Variants in UBAC1 observed in about 807,000 individuals in gnomAD.
UBAC1 encodes the protein UBA domain containing 1, also known as ubiquitin-associated domain-containing protein 1.
In UBAC1, 27 loss-of-function variants were observed where a neutral mutation model predicts 45.9. The ratio of observed to expected loss-of-function variants is 0.59; its 90% CI spans 0.43 to 0.81. The LOEUF (loss-of-function observed/expected upper bound fraction) is 0.81. Ranked by LOEUF, UBAC1 falls within the 30% of genes least tolerant of loss-of-function variation. UBAC1 has a pLI of 0.00. For missense variants in UBAC1, 529 were observed against 539.2 expected (o/e 0.98, Z 0.19); for synonymous variants, 227 against 215.5 (o/e 1.05, Z -0.47).
At chr9:135,948,495 G>A (rs1363706496) in intron 3 of UBAC1, among the ~76,000 whole-genome samples, 1 of 152,278 alleles carries the variant, frequency 6.6e-6, no homozygotes, top group African/African-American at 2.4e-5. Context: ...CAGGGGACAA[G>A]GAGCGAGCCT....
chr9:135,956,660 C>T (rs1293575860), intron 1 of UBAC1, among the ~76,000 whole-genome samples: 4 of 152,154 alleles, frequency 2.6e-5, no homozygotes, highest in African/African-American at 7.2e-5. Flanking sequence ...CCAAATATGG[C>T]GCCTCCCCAG....
chr9:135,960,552 G>C (rs1196553347), intron 1 of UBAC1, among the ~76,000 whole-genome samples: 2 of 151,816 alleles, frequency 1.3e-5, no homozygotes, highest in Middle Eastern at 6.8e-3. Flanking sequence ...TCTTCATGAA[G>C]GAGCCTACGT....
At chr9:135,936,358 AAAG>A (rs1839202943) in intron 9 of UBAC1, among the ~76,000 whole-genome samples, 1 of 152,230 alleles carries the variant, frequency 6.6e-6, no homozygotes, top group Non-Finnish European at 1.5e-5. Flanking sequence ...ATTTGGGTAC[AAAG>A]AAGATCCCTA....
intron 3 of UBAC1, among the ~76,000 whole-genome samples, chr9:135,950,292 A>G (rs1393692564): frequency 1.3e-5 from 2 of 152,234 alleles, no homozygotes; most frequent in African/African-American, 4.8e-5. Context: ...GAAAACTTGC[A>G]TAGACTTAGC....
chr9:135,950,687 C>T (rs554228848), intron 3 of UBAC1, among the ~76,000 whole-genome samples: 1 of 152,288 alleles, frequency 6.6e-6, no homozygotes, highest in Admixed American at 6.5e-5. Context: ...GAGGGAGGTA[C>T]TATAGCCTCT....
intron 1 of UBAC1, among the ~76,000 whole-genome samples, chr9:135,957,190 G>A (rs934782390): frequency 5.9e-5 from 9 of 152,232 alleles, no homozygotes; most frequent in African/African-American, 1.9e-4. Context: ...ACGGCTTCAG[G>A]GGCTCACTCC....
chr9:135,954,533 G>C (rs138561011), intron 2 of UBAC1, among the ~76,000 whole-genome samples: 5 of 152,322 alleles, frequency 3.3e-5, no homozygotes, highest in African/African-American at 1.2e-4. Flanking sequence ...GGCCCTAGCT[G>C]AGGTACAAGC....
chr9:135,934,435 C>T (rs1028025614), intron 9 of UBAC1, among the ~76,000 whole-genome samples: 3 of 152,156 alleles, frequency 2.0e-5, no homozygotes, highest in African/African-American at 4.8e-5. Flanking sequence ...CCGAAGCAGG[C>T]GGATCATGAG....
intron 2 of UBAC1, 22 bp from the exon 3 acceptor site, chr9:135,953,775 T>A (rs753133937): frequency 3.1e-6 from 5 of 1,603,720 alleles, no homozygotes; most frequent in Non-Finnish European, 4.3e-6. Flanking sequence ...AACACGTATA[T>A]CCAACACACT....
At chr9:135,954,510 A>G (rs955236031) in intron 2 of UBAC1, among the ~76,000 whole-genome samples, 2 of 152,162 alleles carry the variant, frequency 1.3e-5, no homozygotes, top group African/African-American at 4.8e-5. Context: ...TCACTTTTGC[A>G]TGATATCTGC....
intron 7 of UBAC1, among the ~76,000 whole-genome samples, chr9:135,944,621 C>T (rs984670503): frequency 2.6e-5 from 4 of 152,214 alleles, no homozygotes; most frequent in Non-Finnish European, 5.9e-5. Context: ...CTCATGGACA[C>T]CCCCGACGGC....
chr9:135,955,241 C>T, intron 2 of UBAC1, 54 bp downstream of exon 2: 4 of 1,461,234 alleles, frequency 2.7e-6, no homozygotes, highest in Admixed American at 2.5e-5. Context: ...GGCTCCAGCG[C>T]CCCCAGCAGT....
At chr9:135,944,688 A>AG (rs1300907120) in intron 7 of UBAC1, among the ~76,000 whole-genome samples, 6 of 152,178 alleles carry the variant, frequency 3.9e-5, no homozygotes, top group Non-Finnish European at 7.4e-5. Flanking sequence ...GCTGCCGAAC[A>AG]GGGGGGGCTT....
At chr9:135,941,511 C>T (rs1839269047) in intron 7 of UBAC1, among the ~76,000 whole-genome samples, 2 of 152,206 alleles carry the variant, frequency 1.3e-5, no homozygotes, top group African/African-American at 4.8e-5. Context: ...AAGAACCCAC[C>T]GCACAATATT....
At chr9:135,956,590 AGCACAGCACACCACC>A (rs1349194133) in intron 1 of UBAC1, among the ~76,000 whole-genome samples, 110 of 152,100 alleles carry the variant, frequency 7.2e-4, no homozygotes, top group African/African-American at 2.6e-3. Context: ...ACGACAGCAC[AGCACAGCACACCACC>A]GCACAGCACA....
chr9:135,961,179 G>C lies in UBAC1; in HGVS notation c.-17C>G, dbSNP rs1225575636. ...CACGAACATCCCGCCGCCGCCGCAGGGGCCTGCGCCCGCCACCCGGGCCCC... is the reference window on the plus strand; with the variant it reads ...CACGAACATCCCGCCGCCGCCGCAGCGGCCTGCGCCCGCCACCCGGGCCCC... On this transcript the variant is annotated 5_prime_UTR_variant, in exon 1 of 10. Transcript: ENST00000371756. 2.0e-6 allele frequency: 3 copies of C among 1,519,268 alleles called. No homozygotes were observed. The Admixed American group carries it at 6.3e-5, about 32-fold the overall frequency. 94.1% of individuals were successfully genotyped at this position (1,519,268 alleles called of 1,614,324 possible).
chr9:135,939,532 CCACT>C (rs1387216356), intron 8 of UBAC1, 137 bp downstream of exon 8: 86 of 733,678 alleles, frequency 1.2e-4, no homozygotes, highest in African/African-American at 9.8e-4. Context: ...ATCACAGCCC[CCACT>C]CACTCACCAC....
At position 135,955,223 on chromosome 9, in the gene UBAC1, CCCCTCCTG is replaced by C. The variant is rs909801685; in HGVS notation, c.259+64_259+71del. Reference sequence around the variant, plus strand: ...ACACTGACTCCTGTGGGTGGACCACCCCCTCCTGGCTCCAGCGCCCCCAGCAGTGCACG... The same window carrying C: ...ACACTGACTCCTGTGGGTGGACCACCGCTCCAGCGCCCCCAGCAGTGCACG... On this transcript the variant is annotated intron_variant, in intron 2 of 9. Coordinates refer to ENST00000371756, the MANE Select transcript of UBAC1 (RefSeq NM_016172.3). 102 of 1,406,844 alleles carry C rather than the reference CCCCTCCTG, an allele frequency of 7.3e-5. No individual in the cohort carries two copies. In the African/African-American group the frequency reaches 1.3e-3, roughly 18 times the overall value. 87.1% of individuals were successfully genotyped at this position (1,406,844 alleles called of 1,614,324 possible).
chr9:135,946,650 G>A (rs778150317), intron 4 of UBAC1, among the ~76,000 whole-genome samples: 8 of 152,178 alleles, frequency 5.3e-5, no homozygotes, highest in East Asian at 1.9e-4. Flanking sequence ...GGAAACCGTC[G>A]GCCCAGCTGG....
Sources: allele counts gnomAD v4.1 joint callset (sites outside exome capture counted in the v4.1 genomes callset), GRCh38; gene constraint gnomAD v4.1.1; transcripts MANE v1.5; gene names NCBI Gene and HGNC (gene_info 2026-07-23, HGNC 2026-07-21).